Variants in TLE3 observed in about 807,000 individuals in gnomAD.
TLE3 encodes the protein transducin-like enhancer protein 3.
TLE3 carries 14 observed loss-of-function variants against 93.0 expected under a neutral mutation model. That is an observed-to-expected ratio of 0.15 (90% confidence interval 0.10 to 0.24). The LOEUF (loss-of-function observed/expected upper bound fraction) is 0.24. Ranked by LOEUF, TLE3 falls within the 10% of genes least tolerant of loss-of-function variation. The probability of loss-of-function intolerance (pLI) is 1.00; values close to 1 mark genes in which losing one functional copy is unlikely to be tolerated. For synonymous variants in TLE3, 451 were observed against 425.0 expected (o/e 1.06, Z -0.75); for missense variants, 693 against 1,046.6 (o/e 0.66, Z 4.66).
intron 6 of TLE3, among the ~76,000 whole-genome samples, chr15:70,069,117 A>G (rs78773431): frequency 6.6e-6 from 1 of 152,160 alleles, no homozygotes; most frequent in Admixed American, 6.5e-5. Context: ...AGAAACAGAG[A>G]CTGTGTCTTC....
Position 70,049,606 on chromosome 15 carries a change from T to C in TLE3, c.*491A>G, listed in dbSNP as rs1047293607. On this transcript the variant is annotated 3_prime_UTR_variant, in exon 20 of 20. Transcript: ENST00000451782. ...TCAGAGTTTCCGGTGGGAAGGGGCC[T>C]CCTCTCCCACTGATCAGTCCGCAAT... 6.7e-6 allele frequency: 1 copy of C among 149,878 alleles called. No homozygotes were observed. Among genetic ancestry groups the C allele is most frequent in the African/African-American group, 2.5e-5 (1 of 40,468 alleles). The allele number at this position is 149,878 out of a possible 1,614,324, so 9.3% of individuals were successfully genotyped here.
At position 70,096,730 on chromosome 15, in the gene TLE3, C is replaced by T. The variant is rs1419932592; in HGVS notation, c.24+45G>A. 8 of 1,609,504 alleles carry T rather than the reference C, an allele frequency of 5.0e-6. No individual in the cohort carries two copies. In the Admixed American group the frequency reaches 1.2e-4, roughly 24 times the overall value. Reference sequence around the variant, plus strand: ...GTGCCAGATAAACTGCCTCGTTTACCCTGCCATGATAGATGCTTAAATAAA... The same window carrying T: ...GTGCCAGATAAACTGCCTCGTTTACTCTGCCATGATAGATGCTTAAATAAA... On this transcript the variant is annotated intron_variant, in intron 1 of 19. Transcript: ENST00000451782.
At chr15:70,085,722 G>A (rs1270622588) in intron 4 of TLE3, among the ~76,000 whole-genome samples, 1 of 152,174 alleles carries the variant, frequency 6.6e-6, no homozygotes, top group Non-Finnish European at 1.5e-5. Context: ...TGCAGGAGAG[G>A]GGCATGTCTT....
At chr15:70,077,680 C>T (rs2057518044) in intron 4 of TLE3, among the ~76,000 whole-genome samples, 2 of 152,206 alleles carry the variant, frequency 1.3e-5, no homozygotes, top group South Asian at 2.1e-4. Flanking sequence ...CGCCAACCTA[C>T]GGAGCCTGTC....
intron 2 of TLE3, 175 bp from the exon 3 acceptor site, chr15:70,095,816 G>C: frequency 1.3e-6 from 1 of 767,754 alleles, no homozygotes. Context: ...GTGGGGAGGG[G>C]GATGTGAAAC....
intron 6 of TLE3, among the ~76,000 whole-genome samples, chr15:70,067,480 C>G (rs1340030399): frequency 6.6e-6 from 1 of 152,154 alleles, no homozygotes; most frequent in African/African-American, 2.4e-5. Flanking sequence ...ATCTGTCAAC[C>G]ACCACCCCTC....
At chr15:70,064,552 C>G in intron 7 of TLE3, 82 bp from the exon 8 acceptor site, 1 of 1,583,906 alleles carries the variant, frequency 6.3e-7, no homozygotes, top group African/African-American at 1.3e-5. Flanking sequence ...AAAGGTCAGT[C>G]TAAGTCCAGC....
chr15:70,054,791 C>G, intron 15 of TLE3, 106 bp from the exon 16 acceptor site: 2 of 1,409,752 alleles, frequency 1.4e-6, no homozygotes, highest in Non-Finnish European at 1.9e-6. Context: ...TGCTTACAGC[C>G]TCCCCCTATA....
intron 14 of TLE3, chr15:70,056,004 G>C (rs1245435054): frequency 2.0e-6 from 1 of 500,428 alleles, no homozygotes; most frequent in African/African-American, 1.9e-5. Flanking sequence ...ACAGCTCCAG[G>C]TGACTCGGTG....
intron 18 of TLE3, among the ~76,000 whole-genome samples, chr15:70,052,049 G>C (rs1238748456): frequency 6.6e-6 from 1 of 152,248 alleles, no homozygotes; most frequent in Non-Finnish European, 1.5e-5. Flanking sequence ...AAGGCTCTCA[G>C]ATGCCAAAGC....
Position 70,058,862 on chromosome 15 carries a change from C to T in TLE3, c.766-47G>A. The T allele has an allele frequency of 6.7e-7, 1 of 1,500,846 alleles. No homozygotes were observed. The highest frequency in any genetic ancestry group is 2.4e-5 in the East Asian group (1 of 42,232). 93.0% of individuals were successfully genotyped at this position (1,500,846 alleles called of 1,614,324 possible). Reference sequence around the variant, plus strand: ...AGATGCACTGAAAGCAACAGCCAGCCTCGAGGCTTCCCTGCTCTGGGAGTG... The same window carrying T: ...AGATGCACTGAAAGCAACAGCCAGCTTCGAGGCTTCCCTGCTCTGGGAGTG... On this transcript the variant is annotated intron_variant, in intron 10 of 19. Transcript: ENST00000451782. This position sits in a 1 kb window ranked among gnomAD's most constrained non-coding sequence, Gnocchi z 4.1.
In TLE3 at chr15:70,058,409, G is replaced by C; in HGVS notation, c.919-118C>G. ...AGAGCCAGACCCTTATGAAGCTTCTGCCGAACAGCCTCTCAATCCTTGCCC... is the reference window on the plus strand; with the variant it reads ...AGAGCCAGACCCTTATGAAGCTTCTCCCGAACAGCCTCTCAATCCTTGCCC... On this transcript the variant is annotated intron_variant, in intron 11 of 19. Coordinates refer to ENST00000451782, the MANE Select transcript of TLE3 (RefSeq NM_001105192.3). The surrounding 1 kb of genome is among the most constrained non-coding windows in gnomAD (Gnocchi z 4.1). The C allele has an allele frequency of 6.8e-7, 1 of 1,471,736 alleles. No homozygotes were observed. The highest frequency in any genetic ancestry group is 9.1e-7 in the Non-Finnish European group (1 of 1,094,542). The allele number at this position is 1,471,736 out of a possible 1,614,324, so 91.2% of individuals were successfully genotyped here.
At chr15:70,065,969 G>GCCCCCCCCCGCCCCCCC in intron 7 of TLE3, 45 bp downstream of exon 7, 7 of 1,294,398 alleles carry the variant, frequency 5.4e-6, no homozygotes, top group African/African-American at 1.4e-5. Flanking sequence ...GAGCGCCCAT[G>GCCCCCCCCCGCCCCCCC]CCCACCCCTG....
In TLE3 at chr15:70,087,889, G is replaced by A. The variant is rs530522930; in HGVS notation, c.234+6643C>T. The stretch of plus-strand genomic sequence containing the variant: ...ATTTGTTCTCAGATAAAATCTGCCG[G>A]GTGGACTAGCCGGGCCCCCTGGTTA... On this transcript the variant is annotated intron_variant, in intron 4 of 19. Coordinates refer to ENST00000451782, the MANE Select transcript of TLE3 (RefSeq NM_001105192.3). Among the ~76,000 whole-genome samples, 17 of 152,310 alleles carry A rather than the reference G, an allele frequency of 1.1e-4. No individual in the cohort carries two copies. The South Asian group carries it at 3.5e-3, about 32-fold the overall frequency.
intron 4 of TLE3, among the ~76,000 whole-genome samples, chr15:70,090,372 C>T (rs2058252092): frequency 6.6e-6 from 1 of 152,170 alleles, no homozygotes; most frequent in Admixed American, 6.5e-5. Context: ...ACTCAGATGC[C>T]ACACAAATAG....
At chr15:70,065,983 C>CCCCCCCCCCACAG in intron 7 of TLE3, 31 bp downstream of exon 7, 4 of 1,466,180 alleles carry the variant, frequency 2.7e-6, no homozygotes, top group Admixed American at 1.7e-5. Context: ...ACCCCTGCCC[C>CCCCCCCCCCACAG]GCCCCACCCT....
Position 70,050,018 on chromosome 15 carries a change from G to C in TLE3, c.*79C>G. 7.6e-7 allele frequency: 1 copy of C among 1,312,874 alleles called. No individual in the cohort carries two copies. Among genetic ancestry groups the C allele is most frequent in the Non-Finnish European group, 1.1e-6 (1 of 914,494 alleles). The allele number at this position is 1,312,874 out of a possible 1,614,324, so 81.3% of individuals were successfully genotyped here. On this transcript the variant is annotated 3_prime_UTR_variant, in exon 20 of 20. Transcript: ENST00000451782. Reference sequence around the variant, plus strand: ...TGCGGCCCATCCTCCGCCATCCTCGGGGCCCCTCGCCTGGGGGTCTCCCTG... The same window carrying C: ...TGCGGCCCATCCTCCGCCATCCTCGCGGCCCCTCGCCTGGGGGTCTCCCTG...
chr15:70,053,790 T>G (rs1364524114), intron 16 of TLE3: 1 of 164,160 alleles, frequency 6.1e-6, no homozygotes, highest in Non-Finnish European at 1.3e-5. Flanking sequence ...AGGACACAGC[T>G]CCTTAACTCG....
intron 4 of TLE3, 92 bp from the exon 5 acceptor site, chr15:70,076,250 C>T (rs2057440554): frequency 3.4e-6 from 4 of 1,186,254 alleles, no homozygotes; most frequent in East Asian, 2.3e-5. Context: ...TCCCCCCAGA[C>T]CACAGCCCCT....
Sources: gnomAD v4.1 joint callset for allele counts (sites outside exome capture counted in the v4.1 genomes callset) on GRCh38, gnomAD v4.1.1 for gene constraint, Gnocchi (gnomAD v3.1) non-coding constraint, MANE v1.5 for transcripts, NCBI Gene and HGNC (gene_info 2026-07-23, HGNC 2026-07-21) for gene names.